ZEB1: variants seen among roughly 807,000 people sequenced by gnomAD.
ZEB1 encodes zinc finger E-box binding homeobox 1, also known as zinc finger E-box-binding homeobox 1.
ZEB1 carries 21 observed loss-of-function variants against 84.9 expected under a neutral mutation model. That is an observed-to-expected ratio of 0.25 (90% CI 0.18 to 0.36). The LOEUF (loss-of-function observed/expected upper bound fraction) is 0.36, where lower values mean the gene tolerates loss of function less well. Ranked by LOEUF, ZEB1 falls within the 10% of genes least tolerant of loss-of-function variation. ZEB1 has a pLI of 1.00. For missense variants in ZEB1, 1,104 were observed against 1,330.2 expected (o/e 0.83, Z 2.65); for synonymous variants, 420 against 471.1 (o/e 0.89, Z 1.41).
At chr10:31,503,392 G>A (rs1347179509) in intron 4 of ZEB1, among the ~76,000 whole-genome samples, 1 of 152,010 alleles carries the variant, frequency 6.6e-6, no homozygotes, top group African/African-American at 2.4e-5. Flanking sequence ...TGTCATATCA[G>A]CGACATTTGT....
At chr10:31,499,465 C>T (rs2139146903) in intron 3 of ZEB1, among the ~76,000 whole-genome samples, 1 of 152,240 alleles carries the variant, frequency 6.6e-6, no homozygotes, top group Middle Eastern at 3.4e-3. Flanking sequence ...TTATCAACAT[C>T]ACACCAGCCA....
intron 1 of ZEB1, among the ~76,000 whole-genome samples, chr10:31,377,024 A>C (rs1234324593): frequency 6.6e-6 from 1 of 150,704 alleles, no homozygotes; most frequent in African/African-American, 2.4e-5. Flanking sequence ...CTTTAGCTGA[A>C]TTTCAGCAGT....
At chr10:31,333,911 T>G (rs1218268350) in intron 1 of ZEB1, among the ~76,000 whole-genome samples, 1 of 152,036 alleles carries the variant, frequency 6.6e-6, no homozygotes, top group African/African-American at 2.4e-5. Flanking sequence ...TATGGCTATA[T>G]ATATCATGTA....
intron 8 of ZEB1, 81 bp downstream of exon 8, chr10:31,524,194 T>G (rs963907307): frequency 1.4e-6 from 2 of 1,437,540 alleles, no homozygotes; most frequent in African/African-American, 3.2e-5. Flanking sequence ...AGTTTTAGAA[T>G]TTTCTTTCTT....
chr10:31,472,478 G>C (rs544978971), intron 2 of ZEB1, among the ~76,000 whole-genome samples: 2,288 of 151,730 alleles, frequency 0.015, 50 homozygotes, highest in African/African-American at 0.052. Context: ...TACATTCCTC[G>C]ACACATACAC....
Position 31,458,471 on chromosome 10 carries a change from A to T in ZEB1, c.59-2566A>T, listed in dbSNP as rs555651983. Reference sequence around the variant, plus strand: ...CAGCCTTTTAAAAATCATTCCCCTTACCCACACACGGACTTCACTCTGCTT... The same window carrying T: ...CAGCCTTTTAAAAATCATTCCCCTTTCCCACACACGGACTTCACTCTGCTT... On this transcript the variant is annotated intron_variant, in intron 1 of 8. Transcript: ENST00000424869. 2.6e-5 allele frequency among the ~76,000 whole-genome samples: 4 copies of T among 151,636 alleles called. No individual in the cohort carries two copies. The South Asian group carries it at 8.4e-4, about 32-fold the overall frequency.
At chr10:31,389,956 A>G (rs887089364) in intron 1 of ZEB1, among the ~76,000 whole-genome samples, 8 of 151,494 alleles carry the variant, frequency 5.3e-5, no homozygotes, top group Admixed American at 2.0e-4. Context: ...TCCACAGTTC[A>G]GATCTAGACA....
intron 2 of ZEB1, among the ~76,000 whole-genome samples, chr10:31,473,266 A>G (rs1279472308): frequency 6.7e-5 from 10 of 149,574 alleles, no homozygotes; most frequent in African/African-American, 7.5e-5. Flanking sequence ...AGGAAGTCAA[A>G]TTGTCCCTGT....
At chr10:31,443,383 T>A (rs2059287862) in intron 1 of ZEB1, among the ~76,000 whole-genome samples, 1 of 152,112 alleles carries the variant, frequency 6.6e-6, no homozygotes, top group South Asian at 2.1e-4. Context: ...TTATTCCAGG[T>A]TTGTAAAAGG....
intron 1 of ZEB1, among the ~76,000 whole-genome samples, chr10:31,399,012 A>G (rs1431876442): frequency 8.4e-6 from 1 of 119,028 alleles, no homozygotes; most frequent in East Asian, 2.4e-4. Context: ...TTTTTTTGAT[A>G]TGGAGTTTTG....
chr10:31,526,522 T>C, intron 8 of ZEB1, 150 bp from the exon 9 acceptor site: 1 of 988,030 alleles, frequency 1.0e-6, no homozygotes, highest in Non-Finnish European at 1.5e-6. Context: ...AATTGCAATA[T>C]TATATTACAA....
intron 1 of ZEB1, among the ~76,000 whole-genome samples, chr10:31,362,640 T>C (rs1179739368): frequency 6.8e-6 from 1 of 147,238 alleles, no homozygotes; most frequent in Non-Finnish European, 1.5e-5. Flanking sequence ...ACTGCCCAGA[T>C]GGTGCGGTGG....
intron 2 of ZEB1, among the ~76,000 whole-genome samples, chr10:31,477,135 A>C (rs1034383617): frequency 6.6e-6 from 1 of 152,060 alleles, no homozygotes; most frequent in Non-Finnish European, 1.5e-5. Context: ...CTGGTCACTG[A>C]TGACATGCCC....
Position 31,474,156 on chromosome 10 carries a change from A to G in ZEB1, c.259+12919A>G, listed in dbSNP as rs367635349. ...ATTCAGGACATAGGCACGGGCAAGG[A>G]CTTCATGTCTAAAACACCAAAAGCA... On this transcript the variant is annotated intron_variant, in intron 2 of 8. Transcript: ENST00000424869. Among the ~76,000 whole-genome samples the G allele has an allele frequency of 3.3e-5, 5 of 152,314 alleles. No individual in the cohort carries two copies. In the East Asian group the frequency reaches 9.6e-4, roughly 29 times the overall value.
At chr10:31,426,059 T>C (rs924985614) in intron 1 of ZEB1, among the ~76,000 whole-genome samples, 13 of 152,202 alleles carry the variant, frequency 8.5e-5, no homozygotes, top group African/African-American at 2.9e-4. Context: ...ACTCTCTGTG[T>C]GAATTTGAAT....
intron 1 of ZEB1, among the ~76,000 whole-genome samples, chr10:31,323,522 C>T (rs767562674): frequency 6.6e-6 from 1 of 151,984 alleles, no homozygotes; most frequent in Non-Finnish European, 1.5e-5. Context: ...CTACTGGTAG[C>T]CCTCCCCCAC....
At chr10:31,320,727 G>C (rs1460012728) in intron 1 of ZEB1, 1 of 152,256 alleles carries the variant, frequency 6.6e-6, no homozygotes, top group African/African-American at 2.4e-5. Context: ...TGGTTATCTC[G>C]GGGCGATGCT....
intron 6 of ZEB1, among the ~76,000 whole-genome samples, chr10:31,519,227 A>G (rs1046144989): frequency 3.9e-5 from 6 of 152,298 alleles, no homozygotes; most frequent in Non-Finnish European, 7.4e-5. Context: ...AAATTAGTGA[A>G]CTATAACTTA....
At chr10:31,505,099 A>G (rs2068751805) in intron 4 of ZEB1, among the ~76,000 whole-genome samples, 1 of 151,780 alleles carries the variant, frequency 6.6e-6, no homozygotes, top group African/African-American at 2.4e-5. Flanking sequence ...CCTTTATTAT[A>G]TGGAGGTGAA....
Sources: gnomAD v4.1 joint callset for allele counts (sites outside exome capture counted in the v4.1 genomes callset) on GRCh38, gnomAD v4.1.1 for gene constraint, MANE v1.5 for transcripts, NCBI Gene and HGNC (gene_info 2026-07-23, HGNC 2026-07-21) for gene names.